The following PDE11A variants were observed in gnomAD, a reference collection of about 807,000 sequenced individuals.
PDE11A encodes phosphodiesterase 11A.
In PDE11A, 100 loss-of-function variants were observed where a neutral mutation model predicts 100.5. The observed-to-expected ratio is 1.00, with a 90% CI of 0.85 to 1.18. The LOEUF is 1.18. Ranked by LOEUF, PDE11A falls within the 50% of genes most tolerant of loss-of-function variation. The pLI, the probability that PDE11A is intolerant of heterozygous loss-of-function variation, is 0.00. For synonymous variants in PDE11A, 381 were observed against 420.8 expected (o/e 0.91, Z 1.16); for missense variants, 1,141 against 1,152.6 (o/e 0.99, Z 0.15).
chr2:178,029,042 T>C (rs1173496562), intron 1 of PDE11A, among the ~76,000 whole-genome samples: 1 of 152,158 alleles, frequency 6.6e-6, no homozygotes, highest in Non-Finnish European at 1.5e-5. Flanking sequence ...AGCTTCCAAG[T>C]CCCTCTGCCT....
chr2:177,866,030 A>C (rs1022645369), intron 5 of PDE11A, among the ~76,000 whole-genome samples: 10 of 152,216 alleles, frequency 6.6e-5, no homozygotes, highest in Non-Finnish European at 1.0e-4. Context: ...AGAAAAAAAA[A>C]CTTAAAGATA....
chr2:177,684,225 C>T (rs2080909352), intron 15 of PDE11A, among the ~76,000 whole-genome samples: 1 of 152,072 alleles, frequency 6.6e-6, no homozygotes, highest in Non-Finnish European at 1.5e-5. Context: ...TTAAATGTCT[C>T]TGAGTTTAGC....
chr2:177,892,728 C>A (rs763827085), intron 4 of PDE11A, among the ~76,000 whole-genome samples: 4 of 152,232 alleles, frequency 2.6e-5, no homozygotes, highest in East Asian at 1.9e-4. Flanking sequence ...GATAAGAAGG[C>A]CTTGCTGGCC....
At chr2:177,766,229 G>A (rs377179910) in intron 10 of PDE11A, among the ~76,000 whole-genome samples, 30 of 152,248 alleles carry the variant, frequency 2.0e-4, no homozygotes, top group East Asian at 3.9e-4. Context: ...TAAGGAGCAC[G>A]CAACCTAGAT....
In PDE11A at chr2:177,627,839, C is replaced by G. The variant is rs530463605; in HGVS notation, c.*1568G>C. The G allele has an allele frequency of 1.3e-5, 2 of 152,316 alleles. No individual in the cohort carries two copies. Among genetic ancestry groups the G allele is most frequent in the African/African-American group, 4.8e-5 (2 of 41,564 alleles). 9.4% of individuals were successfully genotyped at this position (152,316 alleles called of 1,614,324 possible). ...CCAGCCTGGGCAACAAGAGTGAAAA[C>G]TCAGTCTCAAAAAACAAACAAACAA... On this transcript the variant is annotated 3_prime_UTR_variant, in exon 20 of 20. Transcript: ENST00000286063.
intron 9 of PDE11A, among the ~76,000 whole-genome samples, chr2:177,802,400 T>C (rs1258251100): frequency 2.6e-5 from 4 of 152,060 alleles, no homozygotes; most frequent in Non-Finnish European, 5.9e-5. Flanking sequence ...AAAATACTTA[T>C]ACAAAAATGT....
At chr2:177,951,891 T>C (rs973279479) in intron 2 of PDE11A, among the ~76,000 whole-genome samples, 4 of 152,194 alleles carry the variant, frequency 2.6e-5, no homozygotes, top group African/African-American at 9.7e-5. Context: ...CTTAGAGGAT[T>C]GTTTAGGGGA....
At chr2:178,003,052 A>G (rs2086163540) in intron 2 of PDE11A, among the ~76,000 whole-genome samples, 1 of 152,184 alleles carries the variant, frequency 6.6e-6, no homozygotes, top group African/African-American at 2.4e-5. Context: ...AGTAAGAAGT[A>G]CTGACATGGG....
At chr2:177,920,918 CG>C (rs2085032085) in intron 2 of PDE11A, among the ~76,000 whole-genome samples, 1 of 151,740 alleles carries the variant, frequency 6.6e-6, no homozygotes, top group Non-Finnish European at 1.5e-5. Flanking sequence ...AAAAATTAGC[CG>C]GGCGTGGTGG....
chr2:177,824,543 T>C (rs1173475002), intron 6 of PDE11A, among the ~76,000 whole-genome samples: 1 of 152,224 alleles, frequency 6.6e-6, no homozygotes, highest in East Asian at 1.9e-4. Context: ...AATAGGTTTA[T>C]TGATGTGTAT....
chr2:177,883,097 C>T (rs1188004199), intron 4 of PDE11A, among the ~76,000 whole-genome samples: 1 of 151,690 alleles, frequency 6.6e-6, no homozygotes, highest in Non-Finnish European at 1.5e-5. Flanking sequence ...GGTGAAACCC[C>T]GTCTCTATTA....
At chr2:177,997,756 T>A (rs2086095096) in intron 2 of PDE11A, 1 of 1,427,386 alleles carries the variant, frequency 7.0e-7, no homozygotes, top group African/African-American at 1.4e-5. Context: ...ATAACTGAAC[T>A]GTAGTTTGGG....
intron 2 of PDE11A, among the ~76,000 whole-genome samples, chr2:177,947,785 TAAAAAAATAAA>T (rs1559019797): frequency 9.5e-4 from 1 of 1,058 alleles, no homozygotes; most frequent in African/African-American, 1.7e-3. Context: ...TTTAAAAAAA[TAAAAAAATAAA>T]AAAAAAATAA....
chr2:177,921,166 C>T (rs555471698), intron 2 of PDE11A, among the ~76,000 whole-genome samples: 2 of 146,412 alleles, frequency 1.4e-5, no homozygotes, highest in African/African-American at 5.1e-5. Flanking sequence ...ATATCCCAAA[C>T]ATCGCAAGAT....
intron 2 of PDE11A, among the ~76,000 whole-genome samples, chr2:178,079,944 T>G (rs2087262454): frequency 6.6e-6 from 1 of 152,222 alleles, no homozygotes; most frequent in Non-Finnish European, 1.5e-5. Flanking sequence ...ATGAATGTCT[T>G]CTTTTGAGAA....
chr2:177,878,391 C>A (rs191883088), intron 4 of PDE11A, among the ~76,000 whole-genome samples: 1 of 152,200 alleles, frequency 6.6e-6, no homozygotes, highest in African/African-American at 2.4e-5. Flanking sequence ...GGAAGACATG[C>A]TACATGCCTT....
chr2:177,730,255 T>C (rs1186785442), intron 10 of PDE11A, among the ~76,000 whole-genome samples: 1 of 152,144 alleles, frequency 6.6e-6, no homozygotes, highest in Non-Finnish European at 1.5e-5. Flanking sequence ...GATCCCGGTG[T>C]GTGATGTTCC....
intron 16 of PDE11A, among the ~76,000 whole-genome samples, chr2:177,678,836 G>A (rs905620690): frequency 2.6e-5 from 4 of 152,114 alleles, no homozygotes; most frequent in Non-Finnish European, 4.4e-5. Flanking sequence ...GGCATTTCAG[G>A]AAAAGAGCTC....
intron 2 of PDE11A, among the ~76,000 whole-genome samples, chr2:178,003,039 G>T (rs992417134): frequency 6.6e-6 from 1 of 152,112 alleles, no homozygotes; most frequent in African/African-American, 2.4e-5. Flanking sequence ...TAATTAAAAA[G>T]ATAGTAAGAA....
Sources: gnomAD v4.1 joint callset for allele counts (sites outside exome capture counted in the v4.1 genomes callset) on GRCh38, gnomAD v4.1.1 for gene constraint, MANE v1.5 for transcripts, NCBI Gene and HGNC (gene_info 2026-07-23, HGNC 2026-07-21) for gene names.